The following SLC9A9 variants were observed in gnomAD, a reference collection of about 807,000 sequenced individuals.
SLC9A9 encodes solute carrier family 9 member A9, also known as sodium/hydrogen exchanger 9.
Under a neutral mutation model 77.8 loss-of-function variants are expected in SLC9A9, and 62 were observed. That is an observed-to-expected ratio of 0.80 (90% CI 0.65 to 0.98). The LOEUF (loss-of-function observed/expected upper bound fraction) is 0.98, where lower values mean the gene tolerates loss of function less well. Among genes scored for constraint, SLC9A9 ranks in the 50% least tolerant of loss-of-function variants. The probability of loss-of-function intolerance (pLI) is 0.00; values close to 1 mark genes in which losing one functional copy is unlikely to be tolerated. For synonymous variants in SLC9A9, 320 were observed against 283.5 expected (o/e 1.13, Z -1.29); for missense variants, 775 against 774.9 (o/e 1.00, Z 0.00).
intron 5 of SLC9A9, among the ~76,000 whole-genome samples, chr3:143,659,988 A>G (rs2038955801): frequency 6.6e-6 from 1 of 152,208 alleles, no homozygotes. Flanking sequence ...CTTGCCTGCC[A>G]CCGTGTAAGA....
At chr3:143,507,397 C>T (rs1388833996) in intron 9 of SLC9A9, among the ~76,000 whole-genome samples, 2 of 151,992 alleles carry the variant, frequency 1.3e-5, no homozygotes, top group East Asian at 3.9e-4. Flanking sequence ...TTAGCAGAAA[C>T]GGGGTTTCAC....
intron 12 of SLC9A9, among the ~76,000 whole-genome samples, chr3:143,463,158 T>G (rs1216942918): frequency 6.6e-6 from 1 of 152,262 alleles, no homozygotes; most frequent in Non-Finnish European, 1.5e-5. Flanking sequence ...ACTTTTCTAA[T>G]GTCAGCTGGG....
intron 7 of SLC9A9, among the ~76,000 whole-genome samples, chr3:143,576,298 G>T (rs1376306404): frequency 2.0e-5 from 3 of 152,294 alleles, no homozygotes; most frequent in African/African-American, 7.2e-5. Context: ...CTTATCTGAT[G>T]ATCCATGCAA....
chr3:143,622,925 C>T (rs949126069), intron 6 of SLC9A9, among the ~76,000 whole-genome samples: 1 of 152,076 alleles, frequency 6.6e-6, no homozygotes, highest in Admixed American at 6.5e-5. Context: ...GAAGATCTAC[C>T]AAGCAAATGG....
At chr3:143,842,206 C>T (rs560755992) in intron 1 of SLC9A9, among the ~76,000 whole-genome samples, 2 of 152,220 alleles carry the variant, frequency 1.3e-5, no homozygotes, top group African/African-American at 4.8e-5. Flanking sequence ...CAGTGAAACC[C>T]CATCTCTACT....
At chr3:143,693,720 C>T (rs756531023) in intron 4 of SLC9A9, among the ~76,000 whole-genome samples, 8 of 152,058 alleles carry the variant, frequency 5.3e-5, no homozygotes, top group Non-Finnish European at 7.4e-5. Context: ...AATTTCAAGT[C>T]CATCACTGTG....
chr3:143,266,450 T>C lies in SLC9A9; in HGVS notation c.*252A>G, dbSNP rs1012438331. The C allele has an allele frequency of 1.8e-6, 1 of 564,406 alleles. No individual in the cohort carries two copies. The allele number at this position is 564,406 out of a possible 1,614,324, so 35.0% of individuals were successfully genotyped here. A position where few individuals can be genotyped will look rare whatever the true frequency, so the allele number is the denominator to read the frequency against. ...AGCAGCTAGACTCCTGATACCTCCATCCCCACCCCAGCCAATCCAGTAATC... is the reference window on the plus strand; with the variant it reads ...AGCAGCTAGACTCCTGATACCTCCACCCCCACCCCAGCCAATCCAGTAATC... On this transcript the variant is annotated 3_prime_UTR_variant, in exon 16 of 16. Transcript: ENST00000316549.
chr3:143,392,665 A>G (rs1323968990), intron 12 of SLC9A9, among the ~76,000 whole-genome samples: 1 of 152,238 alleles, frequency 6.6e-6, no homozygotes, highest in African/African-American at 2.4e-5. Context: ...CAAATTGGAT[A>G]AAGAGTCAAG....
At chr3:143,748,799 G>A (rs1341632279) in intron 4 of SLC9A9, among the ~76,000 whole-genome samples, 1 of 150,716 alleles carries the variant, frequency 6.6e-6, no homozygotes, top group Non-Finnish European at 1.5e-5. Context: ...CGCTTCCTGG[G>A]TTCACGCCAT....
At chr3:143,646,283 TATA>T (rs1483855178) in intron 6 of SLC9A9, among the ~76,000 whole-genome samples, 1 of 148,280 alleles carries the variant, frequency 6.7e-6, no homozygotes, top group African/African-American at 2.4e-5. Context: ...TATATACAGG[TATA>T]ATAAAATATA....
chr3:143,434,911 C>T lies in SLC9A9; in HGVS notation c.1469+32126G>A, dbSNP rs148027792. Among the ~76,000 whole-genome samples the T allele has an allele frequency of 2.0e-3, 310 of 152,220 alleles. 2 individuals carry two copies. The highest frequency in any genetic ancestry group is 6.6e-3 in the African/African-American group (275 of 41,544). ...AATCAAGCTCATGTGGTCCACCCCACGAGCCCCTTCTGACCTCCCTGCCGC... is the reference window on the plus strand; with the variant it reads ...AATCAAGCTCATGTGGTCCACCCCATGAGCCCCTTCTGACCTCCCTGCCGC... On this transcript the variant is annotated intron_variant, in intron 12 of 15. Transcript: ENST00000316549.
chr3:143,742,392 T>C (rs1935094558), intron 4 of SLC9A9, among the ~76,000 whole-genome samples: 3 of 152,198 alleles, frequency 2.0e-5, no homozygotes, highest in Admixed American at 6.5e-5. Context: ...CTTTCTCTAC[T>C]GCAATTCCCC....
At chr3:143,367,311 A>C (rs2032934204) in intron 13 of SLC9A9, among the ~76,000 whole-genome samples, 1 of 152,238 alleles carries the variant, frequency 6.6e-6, no homozygotes, top group Non-Finnish European at 1.5e-5. Context: ...TGAGGAATAA[A>C]CTTGGATCTA....
At chr3:143,752,185 G>A (rs1307152315) in intron 4 of SLC9A9, among the ~76,000 whole-genome samples, 1 of 152,190 alleles carries the variant, frequency 6.6e-6, no homozygotes, top group Non-Finnish European at 1.5e-5. Context: ...TCCTTATGTG[G>A]AAAGAAAATG....
At chr3:143,655,663 G>A in intron 5 of SLC9A9, 1 of 962,774 alleles carries the variant, frequency 1.0e-6, no homozygotes, top group Non-Finnish European at 1.2e-6. Context: ...TATGCTCAAG[G>A]AGATGAACAT....
chr3:143,362,855 A>G (rs1332103096), intron 14 of SLC9A9, among the ~76,000 whole-genome samples: 1 of 152,202 alleles, frequency 6.6e-6, no homozygotes, highest in African/African-American at 2.4e-5. Flanking sequence ...ATGGCAAGGT[A>G]TATCTGAGCT....
chr3:143,268,552 T>C (rs111364488), intron 15 of SLC9A9, among the ~76,000 whole-genome samples: 9 of 151,786 alleles, frequency 5.9e-5, no homozygotes, highest in African/African-American at 2.2e-4. Flanking sequence ...GGTAAAATGG[T>C]GAAACCCTGT....
intron 6 of SLC9A9, among the ~76,000 whole-genome samples, chr3:143,632,693 A>G (rs2038447778): frequency 6.6e-6 from 1 of 152,250 alleles, no homozygotes; most frequent in South Asian, 2.1e-4. Context: ...AAGAAAAAAT[A>G]ATATAAATGA....
At chr3:143,613,576 G>A (rs1015127890) in intron 6 of SLC9A9, among the ~76,000 whole-genome samples, 9 of 152,104 alleles carry the variant, frequency 5.9e-5, no homozygotes, top group Non-Finnish European at 1.3e-4. Flanking sequence ...AAGGTCTGAT[G>A]GTAGAATTAT....
Sources: gnomAD v4.1 joint callset for allele counts (sites outside exome capture counted in the v4.1 genomes callset) on GRCh38, gnomAD v4.1.1 for gene constraint, MANE v1.5 for transcripts, NCBI Gene and HGNC (gene_info 2026-07-23, HGNC 2026-07-21) for gene names.